The following CSMD2 variants were observed in gnomAD, a reference collection of about 807,000 sequenced individuals.
CSMD2 encodes CUB and sushi domain-containing protein 2.
A neutral mutation model predicts 398.5 loss-of-function variants in CSMD2; 130 were observed. That is an observed-to-expected ratio of 0.33 (90% CI 0.28 to 0.38). CSMD2 has a LOEUF of 0.38. Ranked by LOEUF, CSMD2 falls within the 10% of genes least tolerant of loss-of-function variation. The pLI is 1.00. For synonymous variants in CSMD2, 1,828 were observed against 1,908.5 expected, an observed-to-expected ratio of 0.96 and a Z score of 1.10; for missense variants, 3,829 against 4,764.9, an observed-to-expected ratio of 0.80 and a Z score of 5.78.
intron 2 of CSMD2, among the ~76,000 whole-genome samples, chr1:34,075,789 C>T (rs772928436): frequency 1.6e-4 from 25 of 152,198 alleles, no homozygotes; most frequent in Non-Finnish European, 3.1e-4. Context: ...CACGGAGAGG[C>T]CATCTAATTG....
At chr1:33,836,143 G>A (rs997801632) in intron 6 of CSMD2, among the ~76,000 whole-genome samples, 2 of 152,212 alleles carry the variant, frequency 1.3e-5, no homozygotes, top group African/African-American at 4.8e-5. Context: ...GACCCTGTTT[G>A]CCTGGGTATC....
chr1:34,014,576 T>A (rs1647817684), intron 3 of CSMD2, among the ~76,000 whole-genome samples: 1 of 152,204 alleles, frequency 6.6e-6, no homozygotes, highest in African/African-American at 2.4e-5. Flanking sequence ...AGTGTGATCT[T>A]TTCCTGGAGC....
chr1:34,052,460 G>A (rs550372313), intron 2 of CSMD2, among the ~76,000 whole-genome samples: 4 of 150,080 alleles, frequency 2.7e-5, no homozygotes, highest in South Asian at 4.3e-4. Context: ...ATATCCATGG[G>A]GGGGGGGTCG....
chr1:33,670,573 C>A (rs1472400953), intron 25 of CSMD2, among the ~76,000 whole-genome samples: 2 of 151,988 alleles, frequency 1.3e-5, no homozygotes, highest in Admixed American at 6.6e-5. Flanking sequence ...TCTACACTAC[C>A]AAAGACATAG....
Position 33,519,724 on chromosome 1 carries a change from G to T in CSMD2, c.10737-47C>A. 1 of 1,613,770 alleles carries T rather than the reference G, an allele frequency of 6.2e-7. No homozygotes were observed. Among genetic ancestry groups the T allele is most frequent in the African/African-American group, 1.3e-5 (1 of 75,002 alleles). ...CCCACGGCATGAAAAGAGCGACACA[G>T]AGAGGCTTAGGGGTCTGGTGCGGGG... On this transcript the variant is annotated intron_variant, in intron 69 of 70. Coordinates refer to ENST00000373381, the MANE Select transcript of CSMD2 (RefSeq NM_001281956.2). The surrounding 1 kb of genome is among the most constrained non-coding windows in gnomAD (Gnocchi z 5.6).
At chr1:33,714,848 A>C in intron 20 of CSMD2, 73 bp from the exon 21 acceptor site, 2 of 1,454,700 alleles carry the variant, frequency 1.4e-6, no homozygotes, top group Non-Finnish European at 1.9e-6. Context: ...GGGAACGCAC[A>C]GGCAAAACAC....
chr1:33,898,452 A>G (rs1642535761), intron 5 of CSMD2, among the ~76,000 whole-genome samples: 1 of 152,230 alleles, frequency 6.6e-6, no homozygotes, highest in Non-Finnish European at 1.5e-5. Flanking sequence ...TATCACAGAT[A>G]AAAATGCCCT....
chr1:34,010,309 GA>G (rs1454289232), intron 3 of CSMD2, among the ~76,000 whole-genome samples: 2 of 152,154 alleles, frequency 1.3e-5, no homozygotes, highest in Admixed American at 6.5e-5. Flanking sequence ...CCACCTCCAG[GA>G]AGCAGGGCCT....
Position 33,832,452 on chromosome 1 carries a change from G to T in CSMD2, c.1034-6678C>A, listed in dbSNP as rs376258024. Among the ~76,000 whole-genome samples the T allele has an allele frequency of 2.1e-5, 3 of 142,450 alleles. No individual in the cohort carries two copies. The East Asian group carries it at 6.3e-4, about 30-fold the overall frequency. 93.5% of individuals were successfully genotyped at this position (142,450 alleles called of 152,430 possible). A position where few individuals can be genotyped will look rare whatever the true frequency, so the allele number is the denominator to read the frequency against. ...AAATAAAGATGTTCTTTGAAACCAA[G>T]GAGAACAAAGACACAACATACCAGA... On this transcript the variant is annotated intron_variant, in intron 6 of 70. Transcript: ENST00000373381.
At chr1:33,966,532 A>G (rs573698834) in intron 3 of CSMD2, among the ~76,000 whole-genome samples, 43 of 152,324 alleles carry the variant, frequency 2.8e-4, no homozygotes, top group African/African-American at 9.9e-4. Context: ...GTAAAGTGAT[A>G]AGAATCTTCA....
intron 6 of CSMD2, among the ~76,000 whole-genome samples, chr1:33,844,708 G>A (rs1001320221): frequency 1.3e-5 from 2 of 152,230 alleles, no homozygotes; most frequent in Admixed American, 1.3e-4. Context: ...TTCCTCAACT[G>A]TAAAATGGGA....
At position 33,641,391 on chromosome 1, in the gene CSMD2, A is replaced by C. The variant is rs576436359; in HGVS notation, c.4775-4837T>G. Among the ~76,000 whole-genome samples the C allele has an allele frequency of 2.8e-4, 42 of 152,308 alleles. No individual in the cohort carries two copies. In the East Asian group the frequency reaches 7.9e-3, roughly 29 times the overall value. Reference sequence around the variant, plus strand: ...TTCCTGCCTAGGAAAAGGCTGCCACACATGCTGGTATATGAGAATAAAGGT... The same window carrying C: ...TTCCTGCCTAGGAAAAGGCTGCCACCCATGCTGGTATATGAGAATAAAGGT... On this transcript the variant is annotated intron_variant, in intron 29 of 70. Coordinates refer to ENST00000373381, the MANE Select transcript of CSMD2 (RefSeq NM_001281956.2).
At chr1:33,568,737 C>T (rs764331579) in intron 52 of CSMD2, among the ~76,000 whole-genome samples, 2 of 152,112 alleles carry the variant, frequency 1.3e-5, no homozygotes, top group African/African-American at 2.4e-5. Flanking sequence ...GTGACTGTGT[C>T]CTTAATGGGC....
intron 12 of CSMD2, among the ~76,000 whole-genome samples, chr1:33,786,143 A>C (rs1653508195): frequency 1.3e-5 from 2 of 152,236 alleles, no homozygotes; most frequent in South Asian, 4.2e-4. Flanking sequence ...TTTCCTACTA[A>C]TTTAGTCAAT....
Position 33,706,855 on chromosome 1 carries a change from GTGCGTGTGCA to G in CSMD2, c.3576+2224_3576+2233del, listed in dbSNP as rs1305774384. On this transcript the variant is annotated intron_variant, in intron 22 of 70. Coordinates refer to ENST00000373381, the MANE Select transcript of CSMD2 (RefSeq NM_001281956.2). ...ATGTGTGTGTGCGTGTGTGCATTGT[GTGCGTGTGCA>G]TGTGTGTGCATGTGTTTGTGTATGC... Among the ~76,000 whole-genome samples, 20 of 151,882 alleles carry G rather than the reference GTGCGTGTGCA, an allele frequency of 1.3e-4. No homozygotes were observed. In the East Asian group the frequency reaches 3.9e-3, roughly 29 times the overall value.
At chr1:33,827,725 C>G (rs1045112550) in intron 6 of CSMD2, among the ~76,000 whole-genome samples, 8 of 152,192 alleles carry the variant, frequency 5.3e-5, no homozygotes, top group African/African-American at 1.9e-4. Context: ...ACAACCTTGA[C>G]TGGTAGTTAT....
intron 25 of CSMD2, among the ~76,000 whole-genome samples, chr1:33,666,807 A>G (rs1644331794): frequency 6.6e-6 from 1 of 152,148 alleles, no homozygotes; most frequent in African/African-American, 2.4e-5. Flanking sequence ...TGTGGTGATC[A>G]ATGCACTGTG....
intron 5 of CSMD2, 29 bp downstream of exon 5, chr1:33,918,065 G>C (rs1239463205): frequency 6.3e-7 from 1 of 1,599,162 alleles, no homozygotes; most frequent in Non-Finnish European, 8.6e-7. Flanking sequence ...AGAGAATAGG[G>C]TAGGAAAGGA....
In CSMD2 at chr1:33,635,170, G is replaced by A. The variant is rs202142839; in HGVS notation, c.5086+44C>T. Reference sequence around the variant, plus strand: ...GAATTGCTCATTTTGGAATGAGGGTGAGGAGTCAGAAAACATATGAACAAC... The same window carrying A: ...GAATTGCTCATTTTGGAATGAGGGTAAGGAGTCAGAAAACATATGAACAAC... On this transcript the variant is annotated intron_variant, in intron 31 of 70. Coordinates refer to ENST00000373381, the MANE Select transcript of CSMD2 (RefSeq NM_001281956.2). The surrounding 1 kb of genome is among the most constrained non-coding windows in gnomAD (Gnocchi z 5.0). The A allele has an allele frequency of 2.4e-5, 29 of 1,201,242 alleles. No individual in the cohort carries two copies. Among genetic ancestry groups the A allele is most frequent in the Non-Finnish European group, 3.1e-5 (25 of 812,292 alleles). 74.4% of individuals were successfully genotyped at this position (1,201,242 alleles called of 1,614,324 possible).
Sources: allele counts gnomAD v4.1 joint callset (sites outside exome capture counted in the v4.1 genomes callset), GRCh38; gene constraint gnomAD v4.1.1; non-coding constraint Gnocchi (gnomAD v3.1); transcripts MANE v1.5; gene names NCBI Gene and HGNC (gene_info 2026-07-23, HGNC 2026-07-21).